The following CCAR2 variants were observed in gnomAD, a reference collection of about 807,000 sequenced individuals.
CCAR2 encodes cell cycle and apoptosis regulator 2.
Under a neutral mutation model 108.1 loss-of-function variants are expected in CCAR2, and 21 were observed. The observed-to-expected ratio is 0.19, with a 90% CI of 0.14 to 0.28. CCAR2 has a LOEUF of 0.28. Among genes scored for constraint, CCAR2 ranks in the 10% least tolerant of loss-of-function variants. CCAR2 has a pLI of 1.00. For synonymous variants in CCAR2, 577 were observed against 472.8 expected (o/e 1.22, Z -2.86); for missense variants, 1,126 against 1,177.0 (o/e 0.96, Z 0.63).
intron 4 of CCAR2, 83 bp from the exon 5 acceptor site, chr8:22,606,827 T>A (rs1801098156): frequency 1.3e-6 from 2 of 1,509,926 alleles, no homozygotes; most frequent in Admixed American, 1.7e-5. Flanking sequence ...GAAATCTTGA[T>A]GGGAAAGGCC....
rs566625358 is a variant in CCAR2 at position 22,612,209 on chromosome 8, A to G, written c.585-808A>G. Among the ~76,000 whole-genome samples, 14 of 152,082 alleles carry G rather than the reference A, an allele frequency of 9.2e-5. 1 individual carries two copies. The South Asian group carries it at 2.7e-3, about 29-fold the overall frequency. On this transcript the variant is annotated intron_variant, in intron 7 of 20. Transcript: ENST00000308511. Reference sequence around the variant, plus strand: ...TGATCCGCCCACTTCGGCCTCCCTAAGTGCTGGGATAACAGGCGTGAGCCA... The same window carrying G: ...TGATCCGCCCACTTCGGCCTCCCTAGGTGCTGGGATAACAGGCGTGAGCCA...
intron 7 of CCAR2, among the ~76,000 whole-genome samples, chr8:22,610,637 C>G (rs1031009043): frequency 2.0e-5 from 3 of 152,186 alleles, no homozygotes; most frequent in Non-Finnish European, 4.4e-5. Context: ...GAGAAGAAGG[C>G]CACTTTTGGA....
chr8:22,610,797 A>G (rs1044325948), intron 7 of CCAR2, among the ~76,000 whole-genome samples: 6 of 152,240 alleles, frequency 3.9e-5, no homozygotes, highest in South Asian at 2.1e-4. Flanking sequence ...GGTGAATACA[A>G]TCAACTCAGT....
rs1259561112 is a variant in CCAR2, at chr8:22,619,140, C to T, written c.2522-10C>T. 2.5e-6 allele frequency: 4 copies of T among 1,603,576 alleles called. No individual in the cohort carries two copies. Among genetic ancestry groups the T allele is most frequent in the Non-Finnish European group, 2.6e-6 (3 of 1,174,546 alleles). The stretch of plus-strand genomic sequence containing the variant: ...GAGCAGCCGTCCCCGTTTCCTTCTC[C>T]ACCTTGCAGAGGAGAGCCATAACCG... On this transcript the variant is annotated splice_polypyrimidine_tract_variant and intron_variant, in intron 19 of 20. Coordinates refer to ENST00000308511, the MANE Select transcript of CCAR2 (RefSeq NM_001393997.1).
chr8:22,619,501 C>G (rs7825134), intron 20 of CCAR2, 137 bp from the exon 21 acceptor site: 72,112 of 1,402,022 alleles, frequency 0.051, 5,258 homozygotes, highest in African/African-American at 0.33. Context: ...GCAGTGTGCC[C>G]CTGGTTGCAG....
chr8:22,605,618 ATTC>A (rs1801040835), intron 1 of CCAR2, 115 bp from the exon 2 acceptor site: 1 of 645,946 alleles, frequency 1.5e-6, no homozygotes. Flanking sequence ...GCTTTCATTC[ATTC>A]TTATTACCCA....
downstream of CCAR2, chr8:22,621,290 C>G: frequency 1.1e-5 from 13 of 1,234,824 alleles, no homozygotes; most frequent in African/African-American, 1.5e-5. Context: ...AAGAGTCATT[C>G]ATTGCAAAGG....
chr8:22,614,338 T>C (rs1309143005), intron 9 of CCAR2, 24 bp downstream of exon 9: 1 of 1,613,818 alleles, frequency 6.2e-7, no homozygotes, highest in Non-Finnish European at 8.5e-7. Context: ...CGTCTCTCAC[T>C]TATCTGATTT....
At position 22,605,722 on chromosome 8, in the gene CCAR2, T is replaced by A; in HGVS notation, c.-38-14T>A. The A allele has an allele frequency of 6.7e-7, 1 of 1,500,244 alleles. No homozygotes were observed. Among genetic ancestry groups the A allele is most frequent in the Admixed American group, 1.8e-5 (1 of 56,636 alleles). The allele number at this position is 1,500,244 out of a possible 1,614,324, so 92.9% of individuals were successfully genotyped here. A position where few individuals can be genotyped will look rare whatever the true frequency, so the allele number is the denominator to read the frequency against. ...CCCTTATAAGCTGTTAATTTCTTTC[T>A]TTTTGGATTGAAGCCTTTTCCCCAC... On this transcript the variant is annotated splice_polypyrimidine_tract_variant and intron_variant, in intron 1 of 20. Transcript: ENST00000308511.
intron 14 of CCAR2, 22 bp from the exon 15 acceptor site, chr8:22,617,398 T>G: frequency 6.6e-7 from 1 of 1,523,056 alleles, no homozygotes; most frequent in Non-Finnish European, 8.8e-7. Flanking sequence ...CTTTTCCTTA[T>G]AACCTTTGTC....
At chr8:22,616,988 T>C (rs1267997488) in intron 14 of CCAR2, among the ~76,000 whole-genome samples, 3 of 101,240 alleles carry the variant, frequency 3.0e-5, no homozygotes, top group African/African-American at 1.3e-4. Flanking sequence ...TTCAAACGAT[T>C]CTCCTGCCTC....
In CCAR2 at chr8:22,616,105, G is replaced by C. The variant is rs201261640; in HGVS notation, c.1702G>C (p.Val568Leu). Reference sequence around the variant, plus strand: ...GCTACTGAGCCTTCCTGAAAAGGTCGTGTCCCCACCTGAACCTGAGAAGGA... The same window carrying C: ...GCTACTGAGCCTTCCTGAAAAGGTCCTGTCCCCACCTGAACCTGAGAAGGA... ...KMLLSLPEKV[V>L]SPPEPEKEEA... Residue 568 changes from valine (V) to leucine (L), a missense_variant, in exon 14 of 21, where the codon GTG (valine) becomes CTG (leucine). Physicochemically the swap from Val to Leu is conservative, Grantham distance 32. Around this residue, in one of 4 missense-constraint regions of CCAR2, gnomAD observed 1,013 missense variants for 993.9 expected, o/e 1.02. Coordinates refer to ENST00000308511, the MANE Select transcript of CCAR2 (RefSeq NM_001393997.1). The C allele has an allele frequency of 1.9e-6, 3 of 1,613,914 alleles. No homozygotes were observed. Among genetic ancestry groups the C allele is most frequent in the African/African-American group, 2.7e-5 (2 of 74,910 alleles).
chr8:22,606,477 CT>C lies in CCAR2; in HGVS notation c.151-128del, dbSNP rs1801083770. 6 of 746,588 alleles carry C rather than the reference CT, an allele frequency of 8.0e-6. No individual in the cohort carries two copies. In the South Asian group the frequency reaches 9.6e-5, roughly 12 times the overall value. 46.2% of individuals were successfully genotyped at this position (746,588 alleles called of 1,614,324 possible). On this transcript the variant is annotated intron_variant, in intron 3 of 20. Coordinates refer to ENST00000308511, the MANE Select transcript of CCAR2 (RefSeq NM_001393997.1). ...ATGGAGTATGCCCACCACACCTGTACTTCACTCTGTGCGAACTCTTGATGCA... is the reference window on the plus strand; with the variant it reads ...ATGGAGTATGCCCACCACACCTGTACTCACTCTGTGCGAACTCTTGATGCA...
At position 22,614,143 on chromosome 8, in the gene CCAR2, C is replaced by A; in HGVS notation, c.756C>A (p.Val252=). Residue 252 remains valine (V), a synonymous_variant, in exon 9 of 21, where the codon GTC becomes GTA. Coordinates refer to ENST00000308511, the MANE Select transcript of CCAR2 (RefSeq NM_001393997.1). ...AGCGCCGTTACCGCAGCCTCCTGGT[C>A]CCCTCAGATTTTCTGTCCGTGCATC... The part of the protein sequence containing the change: ...ELQRRYRSLL[V]PSDFLSVHLS... 6.2e-7 allele frequency: 1 copy of A among 1,614,120 alleles called. No homozygotes were observed. The highest frequency in any genetic ancestry group is 8.5e-7 in the Non-Finnish European group (1 of 1,180,032).
intron 2 of CCAR2, 24 bp downstream of exon 2, chr8:22,605,855 G>T (rs1208053173): frequency 1.9e-6 from 3 of 1,609,414 alleles, no homozygotes; most frequent in Non-Finnish European, 2.5e-6. Flanking sequence ...TCCCTACCTG[G>T]CCTCATCCTG....
intron 16 of CCAR2, 79 bp from the exon 17 acceptor site, chr8:22,618,270 C>T: frequency 6.3e-7 from 1 of 1,588,054 alleles, no homozygotes; most frequent in South Asian, 1.1e-5. Flanking sequence ...CCACTGGATT[C>T]TGGACAGGCT....
downstream of CCAR2, chr8:22,621,309 G>A (rs530633458): frequency 7.2e-7 from 1 of 1,392,056 alleles, no homozygotes; most frequent in African/African-American, 1.4e-5. Context: ...GGGCCGGCAA[G>A]TGAACCAGGG....
intron 7 of CCAR2, among the ~76,000 whole-genome samples, chr8:22,609,377 C>A (rs998596347): frequency 6.6e-6 from 1 of 152,272 alleles, no homozygotes; most frequent in African/African-American, 2.4e-5. Context: ...GTCTCGAACT[C>A]CTGGGCTCAA....
rs780983224 is a variant in CCAR2, at chr8:22,615,925, A to G, written c.1608+13A>G. The G allele has an allele frequency of 4.3e-6, 7 of 1,613,430 alleles. No individual in the cohort carries two copies. In the African/African-American group the frequency reaches 9.4e-5, roughly 22 times the overall value. ...GATCTCTTTTGAGGCAGGTGTCAAG[A>G]GTCTTGGGGAGGCTGTGGGCTGGGA... On this transcript the variant is annotated intron_variant, in intron 13 of 20. Transcript: ENST00000308511.
Sources: gnomAD v4.1 joint callset for allele counts (sites outside exome capture counted in the v4.1 genomes callset) on GRCh38, gnomAD v4.1.1 for gene constraint, gnomAD v4.1.1 regional missense constraint, MANE v1.5 for transcripts, NCBI Gene and HGNC (gene_info 2026-07-23, HGNC 2026-07-21) for gene names.